DCP1A: variants seen among roughly 807,000 people sequenced by gnomAD.
The protein encoded by DCP1A is decapping mRNA 1A.
A neutral mutation model predicts 58.0 loss-of-function variants in DCP1A; 20 were observed. The ratio of observed to expected loss-of-function variants is 0.34; its 90% CI spans 0.24 to 0.50. The LOEUF (loss-of-function observed/expected upper bound fraction) is 0.50, where lower values mean the gene tolerates loss of function less well. DCP1A is among the 20% of genes least tolerant of loss of function. The probability of loss-of-function intolerance (pLI) is 0.98; values close to 1 mark genes in which losing one functional copy is unlikely to be tolerated. For missense variants in DCP1A, 613 were observed against 712.2 expected, an observed-to-expected ratio of 0.86 and a Z score of 1.59; for synonymous variants, 285 against 275.1, an observed-to-expected ratio of 1.04 and a Z score of -0.36.
At chr3:53,312,164 T>G in intron 5 of DCP1A, 77 bp downstream of exon 5, 1 of 1,461,486 alleles carries the variant, frequency 6.8e-7, no homozygotes, top group South Asian at 1.4e-5. Flanking sequence ...GCTTCCCTAG[T>G]AAAATAGTCT....
At position 53,342,129 on chromosome 3, in the gene DCP1A, A is replaced by T; in HGVS notation, c.304+15T>A. 2.5e-6 allele frequency: 4 copies of T among 1,583,078 alleles called. No homozygotes were observed. Among genetic ancestry groups the T allele is most frequent in the Non-Finnish European group, 3.4e-6 (4 of 1,163,338 alleles). On this transcript the variant is annotated intron_variant, in intron 3 of 9. Coordinates refer to ENST00000610213, the MANE Select transcript of DCP1A (RefSeq NM_018403.7). ...ATTTTAAATGTAATAACTATAATAA[A>T]ACAGATATACTCACAGCTTGCATTT...
chr3:53,298,638 G>GTGCCA (rs1434741958), intron 6 of DCP1A, among the ~76,000 whole-genome samples: 2 of 152,178 alleles, frequency 1.3e-5, no homozygotes, highest in African/African-American at 4.8e-5. Flanking sequence ...CTTAAGCAGT[G>GTGCCA]TGCCACCATA....
At chr3:53,315,921 T>C (rs144321940) in intron 4 of DCP1A, among the ~76,000 whole-genome samples, 2,919 of 152,004 alleles carry the variant, frequency 0.019, 94 homozygotes, top group African/African-American at 0.067. Flanking sequence ...GCCCCGCTAA[T>C]TTTTTTGTAT....
intron 6 of DCP1A, among the ~76,000 whole-genome samples, chr3:53,303,908 C>G (rs1348420673): frequency 6.6e-6 from 1 of 152,166 alleles, no homozygotes; most frequent in African/African-American, 2.4e-5. Flanking sequence ...GTGCCATGAT[C>G]TGACTTATGT....
At position 53,342,605 on chromosome 3, in the gene DCP1A, C is replaced by T. The variant is rs895216646; in HGVS notation, c.177-334G>A. On this transcript the variant is annotated intron_variant, in intron 2 of 9. Transcript: ENST00000610213. ...ACCGGGCTCCTTGCCACTCTCTCTG[C>T]GTGTGTGCTTCTACCTAAAAACCTC... is the stretch of plus-strand genomic sequence containing the variant. 2.0e-5 allele frequency among the ~76,000 whole-genome samples: 3 copies of T among 152,272 alleles called. No individual in the cohort carries two copies. The South Asian group carries it at 6.2e-4, about 32-fold the overall frequency.
At chr3:53,295,825 A>G (rs558659906) in intron 6 of DCP1A, among the ~76,000 whole-genome samples, 15 of 152,340 alleles carry the variant, frequency 9.8e-5, no homozygotes, top group African/African-American at 3.6e-4. Context: ...AATTCTCAAT[A>G]TAATGTCTGG....
intron 6 of DCP1A, among the ~76,000 whole-genome samples, chr3:53,298,941 G>A (rs1707223033): frequency 6.6e-6 from 1 of 152,206 alleles, no homozygotes; most frequent in Admixed American, 6.5e-5. Context: ...GTGCAGTAAT[G>A]TGCTGCACAG....
intron 1 of DCP1A, among the ~76,000 whole-genome samples, chr3:53,346,839 T>C (rs2089297938): frequency 6.6e-6 from 1 of 152,096 alleles, no homozygotes; most frequent in Non-Finnish European, 1.5e-5. Flanking sequence ...CGAAACTCTG[T>C]GTAGTTCGAT....
At chr3:53,334,214 T>C (rs1032209008) in intron 3 of DCP1A, among the ~76,000 whole-genome samples, 10 of 152,146 alleles carry the variant, frequency 6.6e-5, no homozygotes, top group Non-Finnish European at 8.8e-5. Context: ...CAGAGAGCCA[T>C]GATGGTGTGT....
intron 5 of DCP1A, among the ~76,000 whole-genome samples, chr3:53,305,701 T>C (rs1278090035): frequency 6.6e-6 from 1 of 152,202 alleles, no homozygotes; most frequent in African/African-American, 2.4e-5. Context: ...TCTTGGGTCA[T>C]ATGATAAATA....
Position 53,288,049 on chromosome 3 carries a change from T to C in DCP1A, c.1668+16A>G, listed in dbSNP as rs374895560. The C allele has an allele frequency of 2.5e-5, 39 of 1,574,056 alleles. No homozygotes were observed. In the Middle Eastern group the frequency reaches 1.0e-3, roughly 41 times the overall value. On this transcript the variant is annotated intron_variant, in intron 9 of 9. Transcript: ENST00000610213. ...AAATAATGAAAAATCAAAGATAAAA[T>C]TGGTATCCTACATACCTTTATTAGA...
chr3:53,296,792 T>C (rs1309724130), intron 6 of DCP1A, among the ~76,000 whole-genome samples: 1 of 152,182 alleles, frequency 6.6e-6, no homozygotes, highest in Non-Finnish European at 1.5e-5. Flanking sequence ...GACACTGGAG[T>C]TCTTGAGATG....
chr3:53,338,587 C>G (rs1226642054), intron 3 of DCP1A, among the ~76,000 whole-genome samples: 1 of 152,002 alleles, frequency 6.6e-6, no homozygotes, highest in Non-Finnish European at 1.5e-5. Flanking sequence ...CTTGGCTGGG[C>G]GCGGTGGCTC....
intron 9 of DCP1A, 67 bp downstream of exon 9, chr3:53,287,998 G>A (rs957106301): frequency 6.9e-7 from 1 of 1,440,874 alleles, no homozygotes; most frequent in East Asian, 2.4e-5. Context: ...GATTCTGTAA[G>A]AGGAATTTAT....
intron 6 of DCP1A, among the ~76,000 whole-genome samples, chr3:53,297,934 T>C (rs1457820474): frequency 6.6e-6 from 1 of 152,224 alleles, no homozygotes; most frequent in Non-Finnish European, 1.5e-5. Context: ...AAATCTACTT[T>C]AAGTCAGGCA....
In DCP1A at chr3:53,290,631, G is replaced by A. The variant is rs1706822975; in HGVS notation, c.1449+160C>T. 10 of 681,842 alleles carry A rather than the reference G, an allele frequency of 1.5e-5. No homozygotes were observed. In the South Asian group the frequency reaches 1.7e-4, roughly 11 times the overall value. 42.2% of individuals were successfully genotyped at this position (681,842 alleles called of 1,614,324 possible). On this transcript the variant is annotated intron_variant, in intron 8 of 9. Transcript: ENST00000610213. ...AAAAATAATGTGTTCTTCAGAAAGA[G>A]GGAGTCCTGGCTGGTCCAAAGGGAG...
At chr3:53,344,082 C>A (rs2089259885) in intron 2 of DCP1A, among the ~76,000 whole-genome samples, 1 of 151,722 alleles carries the variant, frequency 6.6e-6, no homozygotes, top group Non-Finnish European at 1.5e-5. Context: ...GAGTATTTGA[C>A]AAATTCTTTT....
At chr3:53,312,132 T>C in intron 5 of DCP1A, 109 bp downstream of exon 5, 2 of 1,259,086 alleles carry the variant, frequency 1.6e-6, no homozygotes, top group Non-Finnish European at 2.2e-6. Flanking sequence ...TGAACTTATA[T>C]TTCTGCCGTC....
At chr3:53,314,516 T>A (rs1194181334) in intron 4 of DCP1A, among the ~76,000 whole-genome samples, 1 of 152,120 alleles carries the variant, frequency 6.6e-6, no homozygotes, top group Non-Finnish European at 1.5e-5. Flanking sequence ...TCCATCTTCA[T>A]AAAGGATCTG....
Sources: gnomAD v4.1 joint callset for allele counts (sites outside exome capture counted in the v4.1 genomes callset) on GRCh38, gnomAD v4.1.1 for gene constraint, MANE v1.5 for transcripts, NCBI Gene and HGNC (gene_info 2026-07-23, HGNC 2026-07-21) for gene names.